The following PRKDC variants were observed in gnomAD, a reference collection of about 807,000 sequenced individuals.
PRKDC encodes DNA-dependent protein kinase catalytic subunit.
PRKDC carries 82 observed loss-of-function variants against 486.9 expected under a neutral mutation model. The observed-to-expected ratio is 0.17, with a 90% confidence interval of 0.14 to 0.20. The LOEUF (loss-of-function observed/expected upper bound fraction) is 0.20, where lower values mean the gene tolerates loss of function less well. Among genes scored for constraint, PRKDC ranks in the 10% least tolerant of loss-of-function variants. The pLI, the probability that PRKDC is intolerant of heterozygous loss-of-function variation, is 1.00. For synonymous variants in PRKDC, 1,895 were observed against 1,837.0 expected (o/e 1.03, Z -0.81); for missense variants, 4,504 against 5,038.2 (o/e 0.89, Z 3.21).
chr8:47,936,074 C>T, intron 12 of PRKDC, among the ~76,000 whole-genome samples, 174 bp from the exon 13 acceptor site: 1 of 141,708 alleles, frequency 7.1e-6, no homozygotes, highest in South Asian at 2.1e-4. Flanking sequence ...AAAAAAAAAA[C>T]ACACACTCAG....
intron 68 of PRKDC, among the ~76,000 whole-genome samples, chr8:47,810,301 T>C (rs766031168): frequency 3.3e-5 from 5 of 152,242 alleles, no homozygotes; most frequent in Non-Finnish European, 7.3e-5. Flanking sequence ...CAGACCACAC[T>C]CACATAACGT....
intron 31 of PRKDC, among the ~76,000 whole-genome samples, chr8:47,892,856 G>A (rs914441641): frequency 3.9e-5 from 6 of 151,954 alleles, no homozygotes; most frequent in Admixed American, 1.3e-4. Flanking sequence ...CATGGAATAC[G>A]TTTTTTTTAA....
chr8:47,895,994 G>A (rs374402032), intron 30 of PRKDC, among the ~76,000 whole-genome samples: 2 of 151,930 alleles, frequency 1.3e-5, no homozygotes, highest in African/African-American at 4.8e-5. Flanking sequence ...AGCCAAGATC[G>A]TGCCATTGCA....
At position 47,776,746 on chromosome 8, in the gene PRKDC, G is replaced by C. The variant is rs1222623310; in HGVS notation, c.12182+98C>G. 4 of 1,421,930 alleles carry C rather than the reference G, an allele frequency of 2.8e-6. No homozygotes were observed. In the African/African-American group the frequency reaches 4.4e-5, roughly 16 times the overall value. The allele number at this position is 1,421,930 out of a possible 1,614,324, so 88.1% of individuals were successfully genotyped here. On this transcript the variant is annotated intron_variant, in intron 85 of 85. Transcript: ENST00000314191. ...TGAAAGCAGAGAAGTCATGCTAACA[G>C]AGTGTCAAGAGCTCAGCACTTTGTA...
At chr8:47,807,003 C>T (rs1257280911) in intron 69 of PRKDC, 134 bp downstream of exon 69, 2 of 921,374 alleles carry the variant, frequency 2.2e-6, no homozygotes, top group Non-Finnish European at 3.1e-6. Flanking sequence ...GCCAAGTTTA[C>T]TTATAAAGAG....
intron 7 of PRKDC, among the ~76,000 whole-genome samples, chr8:47,946,080 A>G (rs201558491): frequency 6.6e-6 from 1 of 151,644 alleles, no homozygotes; most frequent in Non-Finnish European, 1.5e-5. Context: ...CTGTAATCCC[A>G]GCACTTTGGG....
Position 47,918,360 on chromosome 8 carries a change from C to T in PRKDC, c.2443G>A (p.Val815Met), listed in dbSNP as rs1156857925. 1 of 1,587,268 alleles carries T rather than the reference C, an allele frequency of 6.3e-7. No homozygotes were observed. The change falls in exon 22 of 86, where the codon GTG (valine) becomes ATG (methionine). Residue 815 changes from valine (V) to methionine (M), a missense_variant. Transcript: ENST00000314191. ...LSDETKNNWE[V>M]SALSRAAQKG... ...TGGGCAGCCCGAGAAAGAGCTGACACTTCCCAGTTATTCTTGGTCTCATCT... is the reference window on the plus strand; with the variant it reads ...TGGGCAGCCCGAGAAAGAGCTGACATTTCCCAGTTATTCTTGGTCTCATCT...
At position 47,910,943 on chromosome 8, in the gene PRKDC, G is replaced by A. The variant is rs150301836; in HGVS notation, c.2934+1467C>T. On this transcript the variant is annotated intron_variant, in intron 25 of 85. Transcript: ENST00000314191. ...ATAATATATGAAAAAAGATATATGA[G>A]AATTATGTGTTTATAATTCATCAGC... 4.2e-3 allele frequency among the ~76,000 whole-genome samples: 642 copies of A among 151,998 alleles called. 3 individuals are homozygous for A. The highest frequency in any genetic ancestry group is 0.025 in the South Asian group (118 of 4,806).
intron 13 of PRKDC, 48 bp downstream of exon 13, chr8:47,935,684 T>C: frequency 6.4e-7 from 1 of 1,560,180 alleles, no homozygotes. Context: ...TCAAATAATG[T>C]GTTAATTATC....
intron 15 of PRKDC, 30 bp downstream of exon 15, chr8:47,933,935 A>G (rs768592552): frequency 4.4e-6 from 7 of 1,590,432 alleles, no homozygotes; most frequent in Non-Finnish European, 6.0e-6. Context: ...GAAGTAAGGT[A>G]CATTTATGGC....
chr8:47,882,178 C>A, intron 36 of PRKDC, 81 bp from the exon 37 acceptor site: 1 of 1,304,334 alleles, frequency 7.7e-7, no homozygotes, highest in Non-Finnish European at 1.1e-6. Flanking sequence ...TATTTCAAAG[C>A]TATTCTTGGA....
chr8:47,920,535 A>T (rs1427394059), intron 21 of PRKDC, among the ~76,000 whole-genome samples: 2 of 152,240 alleles, frequency 1.3e-5, no homozygotes, highest in Non-Finnish European at 2.9e-5. Context: ...TTCTCCAAAA[A>T]TAAGGAAGTT....
rs1206182682 is a variant in PRKDC, at chr8:47,888,900, T to C, written c.4280+114A>G. On this transcript the variant is annotated intron_variant, in intron 33 of 85. Transcript: ENST00000314191. ...CTATTGAGGTCACTGGCAGCAAACA[T>C]CCCACTGATATAAGCCTTCCCTGAG... The C allele has an allele frequency of 5.2e-6, 6 of 1,162,704 alleles. No individual in the cohort carries two copies. In the Admixed American group the frequency reaches 7.4e-5, roughly 14 times the overall value. 72.0% of individuals were successfully genotyped at this position (1,162,704 alleles called of 1,614,324 possible).
At chr8:47,833,354 G>A (rs939666384) in intron 59 of PRKDC, among the ~76,000 whole-genome samples, 3 of 152,078 alleles carry the variant, frequency 2.0e-5, no homozygotes, top group Non-Finnish European at 2.9e-5. Flanking sequence ...CCCTGCTGGC[G>A]CTCCCCCAGG....
rs969136096 is a variant in PRKDC, at chr8:47,943,086, G to A, written c.966+123C>T. On this transcript the variant is annotated intron_variant, in intron 10 of 85. Coordinates refer to ENST00000314191, the MANE Select transcript of PRKDC (RefSeq NM_006904.7). ...ATGGCTGGCTGATCAACATCTTTCT[G>A]CTTTAAATACTACAGAAGCTACAGA... The A allele has an allele frequency of 1.1e-5, 13 of 1,235,716 alleles. No homozygotes were observed. In the East Asian group the frequency reaches 2.3e-4, roughly 22 times the overall value. 76.5% of individuals were successfully genotyped at this position (1,235,716 alleles called of 1,614,324 possible).
intron 25 of PRKDC, among the ~76,000 whole-genome samples, chr8:47,908,915 C>T (rs991944475): frequency 6.6e-6 from 1 of 152,180 alleles, no homozygotes; most frequent in South Asian, 2.1e-4. Context: ...AGCCCCTCTT[C>T]CTTACCCTAA....
chr8:47,862,235 C>A, intron 43 of PRKDC, 108 bp from the exon 44 acceptor site: 1 of 1,345,406 alleles, frequency 7.4e-7, no homozygotes, highest in South Asian at 1.4e-5. Context: ...AGCACTCCAG[C>A]TTTAAATATA....
chr8:47,776,432 T>C (rs2086609547), intron 85 of PRKDC, among the ~76,000 whole-genome samples: 1 of 152,184 alleles, frequency 6.6e-6, no homozygotes, highest in Non-Finnish European at 1.5e-5. Flanking sequence ...CCAAATTGAA[T>C]TCTCATCTAA....
intron 3 of PRKDC, 57 bp from the exon 4 acceptor site, chr8:47,956,005 C>T (rs2090694446): frequency 6.4e-6 from 8 of 1,243,588 alleles, no homozygotes; most frequent in Non-Finnish European, 9.1e-6. Flanking sequence ...AACTAAGACT[C>T]AGCAATACCT....
Sources: gnomAD v4.1 joint callset for allele counts (sites outside exome capture counted in the v4.1 genomes callset) on GRCh38, gnomAD v4.1.1 for gene constraint, MANE v1.5 for transcripts, NCBI Gene and HGNC (gene_info 2026-07-23, HGNC 2026-07-21) for gene names.